KRT84: variants seen among roughly 807,000 people sequenced by gnomAD.
KRT84 encodes keratin 84.
KRT84 carries 38 observed loss-of-function variants against 49.0 expected under a neutral mutation model. That is an observed-to-expected ratio of 0.78 (90% CI 0.60 to 1.02). KRT84 has a LOEUF of 1.02. Among genes scored for constraint, KRT84 ranks in the 50% least tolerant of loss-of-function variants. KRT84 has a pLI of 0.00. For missense variants in KRT84, 860 were observed against 788.6 expected (o/e 1.09, Z -1.08); for synonymous variants, 334 against 312.8 (o/e 1.07, Z -0.72).
Position 52,378,323 on chromosome 12 carries a change from G to A in KRT84, c.1514C>T (p.Ser505Phe). The change falls in exon 9 of 9, where the codon TCC becomes TTC. Residue 505 changes from serine (S) to phenylalanine (F), a missense_variant. By Grantham distance (155) the Ser-to-Phe change is radical. Coordinates refer to ENST00000257951, the MANE Select transcript of KRT84 (RefSeq NM_033045.4). ...GGTGACCCCGCCGCGGGAGAGGGTGGAGCCGGCAACCAAAGGCTCAGGCCC... is the reference window on the plus strand; with the variant it reads ...GGTGACCCCGCCGCGGGAGAGGGTGAAGCCGGCAACCAAAGGCTCAGGCCC... Reference protein sequence around the residue: ...VCGPEPLVAGSTLSRGGVTFS... With the variant: ...VCGPEPLVAGFTLSRGGVTFS... 3 of 1,530,416 alleles carry A rather than the reference G, an allele frequency of 2.0e-6. No individual in the cohort carries two copies. Among genetic ancestry groups the A allele is most frequent in the Non-Finnish European group, 2.6e-6 (3 of 1,141,820 alleles). The allele number at this position is 1,530,416 out of a possible 1,614,324, so 94.8% of individuals were successfully genotyped here.
At chr12:52,382,559 C>A (rs769877892) in intron 3 of KRT84, 27 bp from the exon 4 acceptor site, 1 of 1,568,696 alleles carries the variant, frequency 6.4e-7, no homozygotes, top group Non-Finnish European at 8.8e-7. Flanking sequence ...AGGATAAATA[C>A]TCATCGCCTG....
intron 7 of KRT84, 73 bp from the exon 8 acceptor site, chr12:52,379,980 C>G (rs1258715956): frequency 1.5e-6 from 2 of 1,360,892 alleles, no homozygotes; most frequent in African/African-American, 1.5e-5. Context: ...ATAAAAAGGG[C>G]TTTCTTGTTT....
chr12:52,381,633 A>G (rs1195818104), intron 4 of KRT84, 108 bp from the exon 5 acceptor site: 1 of 1,076,224 alleles, frequency 9.3e-7, no homozygotes, highest in African/African-American at 1.6e-5. Context: ...AGCATCACTC[A>G]TTGGTTCATA....
At position 52,378,359 on chromosome 12, in the gene KRT84, C is replaced by A. The variant is rs770122520; in HGVS notation, c.1478G>T (p.Gly493Val). 233 of 1,476,112 alleles carry A rather than the reference C, an allele frequency of 1.6e-4. No individual in the cohort carries two copies. The highest frequency in any genetic ancestry group is 2.0e-4 in the Non-Finnish European group (229 of 1,117,078). The allele number at this position is 1,476,112 out of a possible 1,614,324, so 91.4% of individuals were successfully genotyped here. The change falls in exon 9 of 9, where the codon GGC becomes GTC. Residue 493 changes from glycine to valine, a missense_variant. Physicochemically the swap from Gly to Val is moderately radical, Grantham distance 109. Coordinates refer to ENST00000257951, the MANE Select transcript of KRT84 (RefSeq NM_033045.4). ...VNISVSSSRG[G>V]LVCGPEPLVA... is the part of the protein sequence containing the mutation. ...CAAAGGCTCAGGCCCGCACACCAGG[C>A]CGCCCCGGGAGCTGCTGACGGCTGC...
chr12:52,386,693 C>CT (rs1018281687), upstream of KRT84, among the ~76,000 whole-genome samples: 8 of 152,048 alleles, frequency 5.3e-5, no homozygotes, highest in African/African-American at 1.9e-4. Flanking sequence ...ATTGATGAAT[C>CT]TTTGGTTAGG....
At position 52,383,694 on chromosome 12, in the gene KRT84, G is replaced by A. The variant is rs1298780102; in HGVS notation, c.651C>T (p.Tyr217=). Reference sequence around the variant, plus strand: ...CCAACTGCCTCCGCAGGTTGGTGATGTAGCTCTCGAAGAGTGGCTCCAGAT... The same window carrying A: ...CCAACTGCCTCCGCAGGTTGGTGATATAGCTCTCGAAGAGTGGCTCCAGAT... The part of the protein sequence containing the change: ...RSNLEPLFES[Y]ITNLRRQLEV... The change falls in exon 2 of 9, where the codon TAC becomes TAT. Residue 217 remains tyrosine (Y), a synonymous_variant. Transcript: ENST00000257951. 5 of 1,614,082 alleles carry A rather than the reference G, an allele frequency of 3.1e-6. No individual in the cohort carries two copies. The highest frequency in any genetic ancestry group is 2.5e-6 in the Non-Finnish European group (3 of 1,180,024).
intron 4 of KRT84, among the ~76,000 whole-genome samples, 185 bp downstream of exon 4, chr12:52,382,252 G>A (rs1939496015): frequency 1.3e-5 from 2 of 152,184 alleles, no homozygotes; most frequent in African/African-American, 4.8e-5. Flanking sequence ...TCAGGCTGCT[G>A]AAAAGCCTGC....
At chr12:52,380,632 C>G in intron 6 of KRT84, 49 bp from the exon 7 acceptor site, 1 of 1,521,446 alleles carries the variant, frequency 6.6e-7, no homozygotes, top group Non-Finnish European at 8.8e-7. Flanking sequence ...CCAGGGCATC[C>G]CCAGGTTGGG....
At chr12:52,381,042 T>C (rs768717365) in intron 6 of KRT84, 38 bp downstream of exon 6, 1 of 1,607,180 alleles carries the variant, frequency 6.2e-7, no homozygotes, top group South Asian at 1.1e-5. Context: ...GCCCTGGTTC[T>C]CCCTCATCTG....
rs747469299 is a variant in KRT84, at chr12:52,378,006, T to C, written c.*28A>G. The C allele has an allele frequency of 7.1e-7, 1 of 1,405,676 alleles. No individual in the cohort carries two copies. The highest frequency in any genetic ancestry group is 2.8e-5 in the East Asian group (1 of 36,230). 87.1% of individuals were successfully genotyped at this position (1,405,676 alleles called of 1,614,324 possible). ...AGGAGCCGTGGAGCTGGTTCTTCTC[T>C]GGGCAGCAGCTGTCTGGGGCTGGGC... On this transcript the variant is annotated 3_prime_UTR_variant, in exon 9 of 9. Transcript: ENST00000257951.
upstream of KRT84, among the ~76,000 whole-genome samples, chr12:52,386,381 G>T (rs1177963195): frequency 1.4e-5 from 2 of 142,332 alleles, no homozygotes; most frequent in Non-Finnish European, 3.0e-5. Context: ...AGTAGGGGAA[G>T]ATTTATCTTA....
intron 6 of KRT84, among the ~76,000 whole-genome samples, chr12:52,380,798 C>G (rs1299392418): frequency 4.6e-5 from 7 of 152,240 alleles, no homozygotes; most frequent in South Asian, 2.1e-4. Context: ...GACTTTGTCA[C>G]TGCTGATTTC....
intron 1 of KRT84, among the ~76,000 whole-genome samples, 193 bp from the exon 2 acceptor site, chr12:52,383,991 G>A (rs905519345): frequency 6.6e-6 from 1 of 152,202 alleles, no homozygotes; most frequent in Non-Finnish European, 1.5e-5. Flanking sequence ...GCTCGGCTAG[G>A]CCTAGTTACC....
At chr12:52,383,863 T>G (rs1939530286) in intron 1 of KRT84, 65 bp from the exon 2 acceptor site, 1 of 1,347,182 alleles carries the variant, frequency 7.4e-7, no homozygotes, top group South Asian at 1.3e-5. Context: ...TTGACCAAGC[T>G]CTTGAGATGG....
chr12:52,386,838 T>C (rs916247262), upstream of KRT84, among the ~76,000 whole-genome samples: 10 of 152,184 alleles, frequency 6.6e-5, no homozygotes, highest in Non-Finnish European at 1.5e-4. Flanking sequence ...TCTATTCTAG[T>C]GCATCCTTTG....
intron 8 of KRT84, among the ~76,000 whole-genome samples, chr12:52,378,787 G>T (rs1939431489): frequency 6.6e-6 from 1 of 152,124 alleles, no homozygotes; most frequent in African/African-American, 2.4e-5. Flanking sequence ...CCCCTTGGTG[G>T]TCTCCATATT....
Position 52,385,044 on chromosome 12 carries a change from TC to T in KRT84, c.541del (p.Asp181ThrfsTer6). ...AGATTCAGCTATCATAGGTACCTTG[TC>T]AATGAAGGAGGCAAACTTGTTGTTG... ...TLNNKFASFI[D>X]KVRFLEQQNK... On this transcript the variant is annotated frameshift_variant, in exon 1 of 9. Coordinates refer to ENST00000257951, the MANE Select transcript of KRT84 (RefSeq NM_033045.4). LOFTEE classifies it high-confidence loss of function. The T allele has an allele frequency of 6.2e-7, 1 of 1,606,434 alleles. No individual in the cohort carries two copies. The highest frequency in any genetic ancestry group is 8.5e-7 in the Non-Finnish European group (1 of 1,176,322).
At chr12:52,386,251 G>A (rs74093656), upstream of KRT84, among the ~76,000 whole-genome samples, 1,129 of 152,282 alleles carry the variant, frequency 7.4e-3, 17 homozygotes, top group African/African-American at 0.026. Context: ...ACACATCTGT[G>A]ATTTGAGACA....
chr12:52,385,333 T>C lies in KRT84; in HGVS notation c.253A>G (p.Met85Val), dbSNP rs1195163888. The C allele has an allele frequency of 2.5e-6, 4 of 1,613,666 alleles. 1 individual carries two copies. The highest frequency in any genetic ancestry group is 3.3e-5 in the Admixed American group (2 of 59,960). ...ACACCTCTCCCATCACCAAAACCCATCCCACAGCCAGCACCAAAGCGGACT... is the reference window on the plus strand; with the variant it reads ...ACACCTCTCCCATCACCAAAACCCACCCCACAGCCAGCACCAAAGCGGACT... ...CGVRFGAGCG[M>V]GFGDGRGVGL... Residue 85 changes from methionine to valine, a missense_variant, in exon 1 of 9, where the codon ATG becomes GTG. By Grantham distance (21) the Met-to-Val change is conservative (BLOSUM62 1). Transcript: ENST00000257951.
Sources: allele counts gnomAD v4.1 joint callset (sites outside exome capture counted in the v4.1 genomes callset), GRCh38; gene constraint gnomAD v4.1.1; transcripts MANE v1.5; gene names NCBI Gene and HGNC (gene_info 2026-07-23, HGNC 2026-07-21).